ABCA6: variants seen among roughly 807,000 people sequenced by gnomAD.
ABCA6 encodes the protein ATP binding cassette subfamily A member 6.
In ABCA6, 164 loss-of-function variants were observed where a neutral mutation model predicts 191.2. That is an observed-to-expected ratio of 0.86 (90% CI 0.76 to 0.98). ABCA6 has a LOEUF of 0.98. ABCA6 is among the 50% of genes least tolerant of loss of function. The pLI is 0.00. For synonymous variants in ABCA6, 636 were observed against 647.7 expected (o/e 0.98, Z 0.27); for missense variants, 1,958 against 1,894.1 (o/e 1.03, Z -0.63).
chr17:69,096,699 A>G lies in ABCA6; in HGVS notation c.3223T>C (p.Leu1075=), dbSNP rs201694880. The change falls in exon 24 of 39, where the codon TTA becomes CTA. Residue 1075 remains leucine (L), a synonymous_variant. Coordinates refer to ENST00000284425, the MANE Select transcript of ABCA6 (RefSeq NM_080284.3). ...DVSFFILILL[L]MYLIFYIENM... ...TCTATGTAGAAAATTAAATACATTA[A>G]AAGGAGAATTAAAATGAAGAAGCTG... The G allele has an allele frequency of 4.3e-5, 69 of 1,588,626 alleles. No homozygotes were observed. Among genetic ancestry groups the G allele is most frequent in the Non-Finnish European group, 5.7e-5 (67 of 1,170,198 alleles).
intron 6 of ABCA6, among the ~76,000 whole-genome samples, chr17:69,131,232 T>C (rs540952528): frequency 2.6e-5 from 4 of 152,292 alleles, no homozygotes; most frequent in South Asian, 2.1e-4. Context: ...CTGAAGCATA[T>C]AGCACAAGTA....
rs2073164093 is a variant in ABCA6 at position 69,100,860 on chromosome 17, A to G, written c.2949T>C (p.Asn983=). The G allele has an allele frequency of 6.2e-7, 1 of 1,612,514 alleles. No homozygotes were observed. Among genetic ancestry groups the G allele is most frequent in the South Asian group, 1.1e-5 (1 of 90,884 alleles). The change falls in exon 22 of 39, where the codon AAT becomes AAC. Residue 983 remains asparagine, a synonymous_variant. Transcript: ENST00000284425. ...TGTGATTAAACATTTGAAGTAGCCCATTGCTGATAATATTCATAAGAATTG... is the reference window on the plus strand; with the variant it reads ...TGTGATTAAACATTTGAAGTAGCCCGTTGCTGATAATATTCATAAGAATTG... The part of the protein sequence containing the change: ...CFPILMNIIS[N]GLLQMFNHTQ...
chr17:69,111,220 A>C (rs2073416084), intron 16 of ABCA6: 1 of 198,736 alleles, frequency 5.0e-6, no homozygotes, highest in Non-Finnish European at 1.0e-5. Context: ...AGATAAATGT[A>C]GGAAGCTGAG....
intron 25 of ABCA6, among the ~76,000 whole-genome samples, chr17:69,091,858 T>C (rs1448142138): frequency 6.6e-6 from 1 of 152,178 alleles, no homozygotes; most frequent in Non-Finnish European, 1.5e-5. Context: ...TTAAATTTAA[T>C]CCAAGACAAG....
intron 29 of ABCA6, among the ~76,000 whole-genome samples, 200 bp from the exon 30 acceptor site, chr17:69,086,935 T>G (rs2072809760): frequency 6.6e-6 from 1 of 152,224 alleles, no homozygotes; most frequent in Non-Finnish European, 1.5e-5. Context: ...AGCAGCTTAT[T>G]GTCTTGCCAG....
At chr17:69,133,899 A>T in intron 5 of ABCA6, 32 bp from the exon 6 acceptor site, 1 of 1,398,760 alleles carries the variant, frequency 7.1e-7, no homozygotes, top group Admixed American at 2.2e-5. Context: ...CATAATTATT[A>T]TTTAAAAGAT....
intron 6 of ABCA6, among the ~76,000 whole-genome samples, chr17:69,130,998 TTAAGAAAGAG>T (rs1443141449): frequency 4.6e-5 from 7 of 152,214 alleles, no homozygotes; most frequent in Admixed American, 4.6e-4. Flanking sequence ...GAAGTGGTTA[TTAAGAAAGAG>T]TATTCAATCT....
intron 5 of ABCA6, among the ~76,000 whole-genome samples, 157 bp from the exon 6 acceptor site, chr17:69,134,024 G>A (rs1316941371): frequency 1.3e-5 from 2 of 152,040 alleles, no homozygotes; most frequent in African/African-American, 2.4e-5. Context: ...CTGGATGAAG[G>A]GTACATGGAC....
At position 69,115,375 on chromosome 17, in the gene ABCA6, C is replaced by T; in HGVS notation, c.1606+1G>A. On this transcript the variant is annotated splice_donor_variant, in intron 12 of 38. Transcript: ENST00000284425. LOFTEE classifies it high-confidence loss of function. ...CCTTTGAGAAATTTCTTTTTACTCA[C>T]CTTCTGTTGGAACAGACAATCCATT... 1.2e-6 allele frequency: 2 copies of T among 1,601,394 alleles called. No homozygotes were observed. The highest frequency in any genetic ancestry group is 1.7e-6 in the Non-Finnish European group (2 of 1,173,362).
chr17:69,135,063 TA>T (rs2073928137), intron 4 of ABCA6, among the ~76,000 whole-genome samples: 2 of 152,010 alleles, frequency 1.3e-5, no homozygotes, highest in South Asian at 4.2e-4. Flanking sequence ...GTATTTTTAG[TA>T]GAGACAGGCT....
Position 69,097,996 on chromosome 17 carries a change from T to A in ABCA6, c.3044A>T (p.Asp1015Val), listed in dbSNP as rs762011413. 1.4e-5 allele frequency: 22 copies of A among 1,612,004 alleles called. No homozygotes were observed. Among genetic ancestry groups the A allele is most frequent in the Non-Finnish European group, 7.6e-6 (9 of 1,179,270 alleles). ...SHIGLWTGLP[D>V]GSFFLFLVLC... is the part of the protein sequence containing the mutation. ...AACCAAAAATAAGAAAAAGGAACCA[T>A]CCGGCAACCCAGTCCAGAGTCCTAT... Residue 1015 changes from aspartate (D) to valine (V), a missense_variant, in exon 23 of 39, where the codon GAT becomes GTT. Asp to Val is a radical substitution (Grantham distance 152). Coordinates refer to ENST00000284425, the MANE Select transcript of ABCA6 (RefSeq NM_080284.3).
chr17:69,085,633 C>T lies in ABCA6; in HGVS notation c.4021G>A (p.Ala1341Thr). 6.2e-7 allele frequency: 1 copy of T among 1,611,002 alleles called. No homozygotes were observed. Among genetic ancestry groups the T allele is most frequent in the Admixed American group, 1.7e-5 (1 of 59,704 alleles). Residue 1341 changes from alanine to threonine, a missense_variant, in exon 31 of 39, where the codon GCT (alanine) becomes ACT (threonine). Ala to Thr is a moderately conservative substitution (Grantham distance 58). Coordinates refer to ENST00000284425, the MANE Select transcript of ABCA6 (RefSeq NM_080284.3). ...AACCATTTCCTCACTACCTCTCCAGCAGTTGGCTTTGTGATCCCAGATATC... is the reference window on the plus strand; with the variant it reads ...AACCATTTCCTCACTACCTCTCCAGTAGTTGGCTTTGTGATCCCAGATATC... ...RMISGITKPT[A>T]GEVELKGCSS...
At chr17:69,098,861 G>A (rs1357874577) in intron 22 of ABCA6, among the ~76,000 whole-genome samples, 1 of 152,060 alleles carries the variant, frequency 6.6e-6, no homozygotes, top group Non-Finnish European at 1.5e-5. Flanking sequence ...GCAAAGTTCT[G>A]GAGATGCATT....
At chr17:69,138,627 C>T (rs552960122) in intron 2 of ABCA6, among the ~76,000 whole-genome samples, 10 of 151,278 alleles carry the variant, frequency 6.6e-5, no homozygotes, top group South Asian at 6.3e-4. Context: ...AAAAAGAGCC[C>T]GCATCGCCAA....
intron 25 of ABCA6, among the ~76,000 whole-genome samples, chr17:69,093,139 T>C (rs1319457456): frequency 2.0e-5 from 3 of 152,216 alleles, no homozygotes; most frequent in African/African-American, 7.2e-5. Context: ...TCACTACTTT[T>C]TGTGTTTTTC....
chr17:69,089,143 T>G (rs1013755149), intron 27 of ABCA6, among the ~76,000 whole-genome samples: 2 of 152,214 alleles, frequency 1.3e-5, no homozygotes, highest in Non-Finnish European at 2.9e-5. Flanking sequence ...ATTATTCAGT[T>G]CTTGCCTTTT....
intron 21 of ABCA6, 119 bp downstream of exon 21, chr17:69,102,715 AC>A: frequency 1.1e-6 from 1 of 922,316 alleles, no homozygotes. Context: ...TTATTAAATA[AC>A]AACCCAGAAT....
chr17:69,123,397 C>T lies in ABCA6; in HGVS notation c.1278G>A (p.Glu426=). 2 of 1,485,038 alleles carry T rather than the reference C, an allele frequency of 1.3e-6. No homozygotes were observed. Among genetic ancestry groups the T allele is most frequent in the Middle Eastern group, 1.8e-4 (1 of 5,556 alleles). 92.0% of individuals were successfully genotyped at this position (1,485,038 alleles called of 1,614,324 possible). A position where few individuals can be genotyped will look rare whatever the true frequency, so the allele number is the denominator to read the frequency against. The part of the protein sequence containing the change: ...YFDKILPYGD[E]RHYSPLFFLN... ...AGAAAAATAAAGGAGAATAATGGCG[C>T]TCATCTCCATCTAATTAACCAAGAG... Residue 426 remains glutamate, a synonymous_variant, in exon 10 of 39, where the codon GAG becomes GAA. Transcript: ENST00000284425.
rs760114855 is a variant in ABCA6 at position 69,079,073 on chromosome 17, AC to A, written c.4753del (p.Val1585TyrfsTer3). On this transcript the variant is annotated frameshift_variant and splice_region_variant, in exon 39 of 39. Coordinates refer to ENST00000284425, the MANE Select transcript of ABCA6 (RefSeq NM_080284.3). LOFTEE classifies it low-confidence loss of function (END_TRUNC). ...YSLSQCTLEKVFLELSKEQEV... is the reference protein window; with the variant it reads ...YSLSQCTLEKXFLELSKEQEV... ...CTGTTCTTTAGAAAGCTCTAAGAAT[AC>A]CTAATTAGGAGACAAAGAAGAAGGA... The A allele has an allele frequency of 6.3e-7, 1 of 1,599,594 alleles. No homozygotes were observed. Among genetic ancestry groups the A allele is most frequent in the Non-Finnish European group, 8.6e-7 (1 of 1,169,224 alleles).
Sources: allele counts gnomAD v4.1 joint callset (sites outside exome capture counted in the v4.1 genomes callset), GRCh38; gene constraint gnomAD v4.1.1; transcripts MANE v1.5; gene names NCBI Gene and HGNC (gene_info 2026-07-23, HGNC 2026-07-21).